The following SLC7A10 variants were observed in gnomAD, a reference collection of about 807,000 sequenced individuals.
SLC7A10 encodes the protein solute carrier family 7 member 10.
In SLC7A10, 30 loss-of-function variants were observed where a neutral mutation model predicts 52.7. That is an observed-to-expected ratio of 0.57 (90% CI 0.43 to 0.77). SLC7A10 has a LOEUF of 0.77. Ranked by LOEUF, SLC7A10 falls within the 30% of genes least tolerant of loss-of-function variation. The probability of loss-of-function intolerance (pLI) is 0.00; values close to 1 mark genes in which losing one functional copy is unlikely to be tolerated. For synonymous variants in SLC7A10, 318 were observed against 314.9 expected (o/e 1.01, Z -0.10); for missense variants, 581 against 698.5 (o/e 0.83, Z 1.90).
chr19:33,213,530 C>A lies in SLC7A10; in HGVS notation c.357-528G>T, dbSNP rs562442433. On this transcript the variant is annotated intron_variant, in intron 2 of 10. Coordinates refer to ENST00000253188, the MANE Select transcript of SLC7A10 (RefSeq NM_019849.3). ...GTCTTGATCTCCTGACCTCGTGATC[C>A]ACCCGCCTCGGCCTCCCAAAGTGTT... Among the ~76,000 whole-genome samples the A allele has an allele frequency of 3.3e-5, 5 of 152,290 alleles. No individual in the cohort carries two copies. The East Asian group carries it at 9.7e-4, about 30-fold the overall frequency.
At chr19:33,216,493 C>T (rs1236082100) in intron 1 of SLC7A10, among the ~76,000 whole-genome samples, 6 of 152,356 alleles carry the variant, frequency 3.9e-5, no homozygotes, top group South Asian at 2.1e-4. Context: ...ACTTTCCCAC[C>T]GGCCAAAGTC....
In SLC7A10 at chr19:33,211,000, C is replaced by T. The variant is rs540377159; in HGVS notation, c.1017-102G>A. 17 of 1,178,378 alleles carry T rather than the reference C, an allele frequency of 1.4e-5. No individual in the cohort carries two copies. The highest frequency in any genetic ancestry group is 2.0e-5 in the Non-Finnish European group (16 of 801,980). The allele number at this position is 1,178,378 out of a possible 1,614,324, so 73.0% of individuals were successfully genotyped here. On this transcript the variant is annotated intron_variant, in intron 7 of 10. Transcript: ENST00000253188. The surrounding 1 kb of genome is among the most constrained non-coding windows in gnomAD (Gnocchi z 5.6). ...CGCCTCTGACCTCCTGCTCCGGGCC[C>T]AGCAGCCCCACTGGACAGTTCTCCC...
intron 9 of SLC7A10, 34 bp from the exon 10 acceptor site, chr19:33,209,519 A>G (rs1202268497): frequency 1.9e-6 from 3 of 1,610,602 alleles, no homozygotes; most frequent in East Asian, 2.2e-5. Context: ...CCGATGGTGC[A>G]GGGCCTCCAG....
At chr19:33,209,518 C>T in intron 9 of SLC7A10, 33 bp from the exon 10 acceptor site, 1 of 1,610,530 alleles carries the variant, frequency 6.2e-7, no homozygotes, top group Non-Finnish European at 8.5e-7. Context: ...ACCGATGGTG[C>T]AGGGCCTCCA....
intron 2 of SLC7A10, 127 bp downstream of exon 2, chr19:33,215,642 T>G: frequency 2.3e-5 from 11 of 486,786 alleles, no homozygotes; most frequent in Non-Finnish European, 3.1e-5. Context: ...CCCCCACACC[T>G]TCTCTCCATC....
chr19:33,218,008 CT>C (rs1974726265), intron 1 of SLC7A10: 2 of 152,256 alleles, frequency 1.3e-5, no homozygotes, highest in South Asian at 4.1e-4. Context: ...TTTGAGTTCC[CT>C]CCATCCGGCA....
At chr19:33,209,152 G>T in intron 10 of SLC7A10, 131 bp from the exon 11 acceptor site, 1 of 1,537,720 alleles carries the variant, frequency 6.5e-7, no homozygotes, top group South Asian at 1.2e-5. Flanking sequence ...TGGAAACTTT[G>T]GGTACATCTT....
chr19:33,215,630 ACCCCCC>A, intron 2 of SLC7A10, 133 bp downstream of exon 2: 1 of 288,770 alleles, frequency 3.5e-6, no homozygotes, highest in Non-Finnish European at 4.8e-6. Flanking sequence ...CTCTCCATCC[ACCCCCC>A]ACACCTTCTC....
intron 2 of SLC7A10, among the ~76,000 whole-genome samples, chr19:33,215,267 CAAA>C (rs56214783): frequency 0.016 from 1,821 of 115,586 alleles, 34 homozygotes; most frequent in African/African-American, 0.058. Context: ...GACTCTGTCT[CAAA>C]AAAAAAAAAA....
chr19:33,220,458 G>C (rs977658645), intron 1 of SLC7A10: 1 of 152,252 alleles, frequency 6.6e-6, no homozygotes, highest in East Asian at 1.9e-4. Flanking sequence ...CTCCTCACTC[G>C]GCCTCCTGGC....
At chr19:33,213,628 C>T (rs978070625) in intron 2 of SLC7A10, among the ~76,000 whole-genome samples, 3 of 152,214 alleles carry the variant, frequency 2.0e-5, no homozygotes, top group South Asian at 2.1e-4. Flanking sequence ...CCCCATTGGA[C>T]GGAGGCTGTC....
intron 6 of SLC7A10, 31 bp downstream of exon 6, chr19:33,211,383 G>A: frequency 6.2e-7 from 1 of 1,613,732 alleles, no homozygotes; most frequent in Non-Finnish European, 8.5e-7. Context: ...GGCCTGGGCA[G>A]GAGCCAGGGA....
intron 1 of SLC7A10, among the ~76,000 whole-genome samples, chr19:33,223,503 C>T (rs996621901): frequency 2.0e-5 from 3 of 151,940 alleles, no homozygotes; most frequent in Non-Finnish European, 4.4e-5. Flanking sequence ...AGGGGAGACC[C>T]TTAGTACATC....
At chr19:33,218,957 G>T (rs141672291) in intron 1 of SLC7A10, among the ~76,000 whole-genome samples, 1 of 151,918 alleles carries the variant, frequency 6.6e-6, no homozygotes, top group South Asian at 2.1e-4. Context: ...AAGCCCAGCC[G>T]TTGGGGGAAC....
intron 1 of SLC7A10, among the ~76,000 whole-genome samples, chr19:33,224,016 C>G (rs1234506664): frequency 2.0e-5 from 3 of 150,892 alleles, no homozygotes; most frequent in African/African-American, 7.3e-5. Context: ...GAGAAAGGAG[C>G]CAGGCAGCCT....
intron 2 of SLC7A10, 34 bp downstream of exon 2, chr19:33,215,735 G>T: frequency 6.5e-7 from 1 of 1,544,818 alleles, no homozygotes; most frequent in Non-Finnish European, 8.7e-7. Context: ...TTCCCAAGAG[G>T]GTGTCCCCCT....
intron 5 of SLC7A10, chr19:33,212,052 A>T: frequency 1.7e-6 from 1 of 604,624 alleles, no homozygotes; most frequent in Admixed American, 3.0e-5. Flanking sequence ...CAGGATGATG[A>T]TATTCAGCCT....
At position 33,215,962 on chromosome 19, in the gene SLC7A10, C is replaced by T. The variant is rs201174593; in HGVS notation, c.163G>A (p.Gly55Ser). The change falls in exon 2 of 11, where the codon GGC becomes AGC. Residue 55 changes from glycine to serine, a missense_variant. Gly to Ser is a moderately conservative substitution (Grantham distance 56). Transcript: ENST00000253188. ...ACTIIIGNII[G>S]SGIFISPKGV... Reference sequence around the variant, plus strand: ...TTGGGCGAGATGAAGATGCCCGAGCCGATGATGTTCCCTGCAGGGGGAGAG... The same window carrying T: ...TTGGGCGAGATGAAGATGCCCGAGCTGATGATGTTCCCTGCAGGGGGAGAG... The T allele has an allele frequency of 2.3e-4, 361 of 1,585,598 alleles. 3 individuals are homozygous for T. The South Asian group carries it at 2.6e-3, about 11-fold the overall frequency.
intron 1 of SLC7A10, chr19:33,217,937 C>T (rs79655499): frequency 0.082 from 12,493 of 152,134 alleles, 563 homozygotes; most frequent in South Asian, 0.12. Flanking sequence ...GAGAGAGAAG[C>T]GCCTCTCTCA....
Sources: allele counts gnomAD v4.1 joint callset (sites outside exome capture counted in the v4.1 genomes callset), GRCh38; gene constraint gnomAD v4.1.1; non-coding constraint Gnocchi (gnomAD v3.1); transcripts MANE v1.5; gene names NCBI Gene and HGNC (gene_info 2026-07-23, HGNC 2026-07-21).